The following PRRC2C variants were observed in gnomAD, a reference collection of about 807,000 sequenced individuals.
PRRC2C encodes proline rich coiled-coil 2C.
A neutral mutation model predicts 317.2 loss-of-function variants in PRRC2C; 72 were observed. The ratio of observed to expected loss-of-function variants is 0.23; its 90% CI spans 0.19 to 0.28. The LOEUF (loss-of-function observed/expected upper bound fraction) is 0.28, where lower values mean the gene tolerates loss of function less well. PRRC2C is among the 10% of genes least tolerant of loss of function. The pLI is 1.00. For missense variants in PRRC2C, 3,074 were observed against 3,459.7 expected (o/e 0.89, Z 2.80); for synonymous variants, 1,296 against 1,205.9 (o/e 1.07, Z -1.55).
intron 1 of PRRC2C, among the ~76,000 whole-genome samples, chr1:171,486,373 C>T (rs1301445146): frequency 6.6e-6 from 1 of 152,026 alleles, no homozygotes; most frequent in Non-Finnish European, 1.5e-5. Context: ...CCGCTCCATC[C>T]TCTAACTTGC....
intron 27 of PRRC2C, 25 bp from the exon 28 acceptor site, chr1:171,579,803 T>A: frequency 6.6e-7 from 1 of 1,517,712 alleles, no homozygotes; most frequent in Non-Finnish European, 8.8e-7. Context: ...TATATATGTT[T>A]ACATACTTTC....
Position 171,513,023 on chromosome 1 carries a change from T to A in PRRC2C, c.141T>A (p.Leu47=). The part of the protein sequence containing the change: ...TVAARHGLQS[L]GKVGISRRMP... ...CAGCTCGACATGGATTACAGAGTCT[T>A]GGAAAAGTCGGTATTTCACGGCGTA... The change falls in exon 3 of 35, where the codon CTT becomes CTA. Residue 47 remains leucine, a synonymous_variant. Transcript: ENST00000647382. 1 of 1,613,082 alleles carries A rather than the reference T, an allele frequency of 6.2e-7. No homozygotes were observed. The highest frequency in any genetic ancestry group is 8.5e-7 in the Non-Finnish European group (1 of 1,179,548).
chr1:171,580,267 G>T (rs1483690947), intron 28 of PRRC2C, among the ~76,000 whole-genome samples: 1 of 152,164 alleles, frequency 6.6e-6, no homozygotes, highest in African/African-American at 2.4e-5. Flanking sequence ...TGTGCCATCT[G>T]GCTACCAAAA....
chr1:171,543,811 G>A (rs1374186900), intron 16 of PRRC2C, among the ~76,000 whole-genome samples: 3 of 152,202 alleles, frequency 2.0e-5, no homozygotes, highest in African/African-American at 7.2e-5. Context: ...TGGCTGCAAA[G>A]TCGAAGGTTG....
rs1682650007 is a variant in PRRC2C at position 171,561,256 on chromosome 1, C to T, written c.6117+153C>T. 2.0e-5 allele frequency among the ~76,000 whole-genome samples: 3 copies of T among 152,050 alleles called. No homozygotes were observed. The South Asian group carries it at 6.2e-4, about 32-fold the overall frequency. On this transcript the variant is annotated intron_variant, in intron 20 of 34. Transcript: ENST00000647382. Reference sequence around the variant, plus strand: ...ACCAGCCTGGGCAACATAGTGAGACCCGCCTGGGCAATGTAGGAAGACCCT... The same window carrying T: ...ACCAGCCTGGGCAACATAGTGAGACTCGCCTGGGCAATGTAGGAAGACCCT...
At chr1:171,491,465 T>G (rs1667134302) in intron 1 of PRRC2C, among the ~76,000 whole-genome samples, 2 of 152,190 alleles carry the variant, frequency 1.3e-5, no homozygotes, top group African/African-American at 4.8e-5. Flanking sequence ...TTGCCAAAAG[T>G]GTCTGTATTT....
chr1:171,515,611 C>T, intron 4 of PRRC2C, 123 bp from the exon 5 acceptor site: 2 of 809,006 alleles, frequency 2.5e-6, no homozygotes, highest in South Asian at 2.3e-5. Context: ...TGGCTATGAA[C>T]AGTCATCACT....
At chr1:171,513,347 A>AC in intron 3 of PRRC2C, 175 bp downstream of exon 3, 1 of 778,372 alleles carries the variant, frequency 1.3e-6, no homozygotes, top group Non-Finnish European at 2.1e-6. Context: ...TATTAAAAGT[A>AC]TTTCAATTTG....
rs761538879 is a variant in PRRC2C at position 171,535,526 on chromosome 1, C to T, written c.1972C>T (p.Arg658Trp). The T allele has an allele frequency of 1.5e-4, 243 of 1,613,888 alleles. No individual in the cohort carries two copies. Among genetic ancestry groups the T allele is most frequent in the Non-Finnish European group, 1.6e-4 (186 of 1,179,886 alleles). ...ETEPESGSQPRPAVLSGYFKQ... is the reference protein window; with the variant it reads ...ETEPESGSQPWPAVLSGYFKQ... Reference sequence around the variant, plus strand: ...AGAACCAGAATCAGGGTCTCAACCTCGGCCGGCTGTATTATCTGGCTATTT... The same window carrying T: ...AGAACCAGAATCAGGGTCTCAACCTTGGCCGGCTGTATTATCTGGCTATTT... The change falls in exon 13 of 35, where the codon CGG (arginine) becomes TGG (tryptophan). Residue 658 changes from arginine (R) to tryptophan (W), a missense_variant. Arg to Trp is a moderately radical substitution (Grantham distance 101). This residue lies in a region of PRRC2C where 1,320 missense variants were observed against 1,395.7 expected (regional missense o/e 0.95). Coordinates refer to ENST00000647382, the MANE Select transcript of PRRC2C (RefSeq NM_001387844.1).
chr1:171,544,878 C>G (rs1678760575), intron 16 of PRRC2C, among the ~76,000 whole-genome samples: 1 of 152,070 alleles, frequency 6.6e-6, no homozygotes, highest in African/African-American at 2.4e-5. Flanking sequence ...ACCCATTTCC[C>G]ATGATCATTT....
At chr1:171,550,322 C>T (rs1034489447) in intron 18 of PRRC2C, 82 bp downstream of exon 18, 1 of 1,230,208 alleles carries the variant, frequency 8.1e-7, no homozygotes. Flanking sequence ...GGTTTTTATA[C>T]TTGTCAAGGC....
At position 171,504,977 on chromosome 1, in the gene PRRC2C, A is replaced by G. The variant is rs77003778; in HGVS notation, c.-57-7055A>G. 3.1e-3 allele frequency among the ~76,000 whole-genome samples: 464 copies of G among 151,596 alleles called. 1 individual carries two copies. The highest frequency in any genetic ancestry group is 0.011 in the African/African-American group (437 of 41,370). On this transcript the variant is annotated intron_variant, in intron 1 of 34. Transcript: ENST00000647382. ...TTTAAATAACGTTTTGTAGTGTTCA[A>G]TGTGTAGGTCTTACGTATCTTTTGT...
chr1:171,486,747 T>C (rs1373210323), intron 1 of PRRC2C, among the ~76,000 whole-genome samples: 1 of 152,150 alleles, frequency 6.6e-6, no homozygotes, highest in Non-Finnish European at 1.5e-5. Flanking sequence ...ACCAGAAGAA[T>C]CGGAGGATTT....
intron 28 of PRRC2C, among the ~76,000 whole-genome samples, chr1:171,583,656 G>A (rs560314378): frequency 6.6e-6 from 1 of 152,174 alleles, no homozygotes; most frequent in South Asian, 2.1e-4. Flanking sequence ...GTAACTGTAT[G>A]TACTGAACTG....
At chr1:171,549,672 G>A (rs954054873) in intron 17 of PRRC2C, among the ~76,000 whole-genome samples, 1 of 152,006 alleles carries the variant, frequency 6.6e-6, no homozygotes, top group Non-Finnish European at 1.5e-5. Flanking sequence ...AGTGATTCTT[G>A]TGCTTCAGCC....
At chr1:171,493,980 C>A (rs1667650566) in intron 1 of PRRC2C, among the ~76,000 whole-genome samples, 1 of 152,114 alleles carries the variant, frequency 6.6e-6, no homozygotes, top group African/African-American at 2.4e-5. Context: ...TTATAGCCCA[C>A]CCAGGTGAGG....
chr1:171,577,196 GT>G (rs1350018267), intron 25 of PRRC2C, among the ~76,000 whole-genome samples: 2 of 151,934 alleles, frequency 1.3e-5, no homozygotes, highest in Non-Finnish European at 2.9e-5. Flanking sequence ...TTTGTGTTTT[GT>G]TTCTTTCTTG....
At chr1:171,566,060 TACAG>T (rs1329852617) in intron 20 of PRRC2C, among the ~76,000 whole-genome samples, 169 bp from the exon 21 acceptor site, 2 of 152,210 alleles carry the variant, frequency 1.3e-5, no homozygotes, top group Non-Finnish European at 2.9e-5. Flanking sequence ...TGTTTTCTAG[TACAG>T]ACAAACAACA....
At chr1:171,525,192 A>T (rs929306130) in intron 10 of PRRC2C, among the ~76,000 whole-genome samples, 3 of 152,026 alleles carry the variant, frequency 2.0e-5, no homozygotes, top group Non-Finnish European at 4.4e-5. Flanking sequence ...AAAGCTTCAC[A>T]TTTTTTTTAC....
Sources: gnomAD v4.1 joint callset for allele counts (sites outside exome capture counted in the v4.1 genomes callset) on GRCh38, gnomAD v4.1.1 for gene constraint, gnomAD v4.1.1 regional missense constraint, MANE v1.5 for transcripts, NCBI Gene and HGNC (gene_info 2026-07-23, HGNC 2026-07-21) for gene names.